Variants in DISC1 observed in about 807,000 individuals in gnomAD.
The protein encoded by DISC1 is DISC1 scaffold protein.
In DISC1, 57 loss-of-function variants were observed where a neutral mutation model predicts 84.5. That is an observed-to-expected ratio of 0.67 (90% CI 0.55 to 0.84). DISC1 has a LOEUF of 0.84. Ranked by LOEUF, DISC1 falls within the 40% of genes least tolerant of loss-of-function variation. The pLI, the probability that DISC1 is intolerant of heterozygous loss-of-function variation, is 0.00. For synonymous variants in DISC1, 411 were observed against 415.2 expected, an observed-to-expected ratio of 0.99 and a Z score of 0.12; for missense variants, 1,000 against 1,057.8, an observed-to-expected ratio of 0.95 and a Z score of 0.76.
At chr1:232,025,250 G>A (rs1035178863) in intron 11 of DISC1, among the ~76,000 whole-genome samples, 1 of 152,154 alleles carries the variant, frequency 6.6e-6, no homozygotes, top group African/African-American at 2.4e-5. Context: ...GAATGCATGG[G>A]CAAAAAGAAC....
chr1:231,991,349 G>A (rs16855921), intron 10 of DISC1, among the ~76,000 whole-genome samples: 6,491 of 152,352 alleles, frequency 0.043, 264 homozygotes, highest in East Asian at 0.21. Flanking sequence ...GGGTTGAGCT[G>A]CTGGAATGTA....
At chr1:231,691,024 C>T (rs2125632445) in intron 1 of DISC1, among the ~76,000 whole-genome samples, 1 of 152,270 alleles carries the variant, frequency 6.6e-6, no homozygotes. Context: ...ATCACAGCTT[C>T]CCAGGGCCCC....
At chr1:231,690,129 C>T (rs2064813783) in intron 1 of DISC1, among the ~76,000 whole-genome samples, 1 of 152,174 alleles carries the variant, frequency 6.6e-6, no homozygotes, top group Admixed American at 6.5e-5. Context: ...GACCCATTGA[C>T]ATCTGGGTCT....
intron 4 of DISC1, among the ~76,000 whole-genome samples, chr1:231,763,662 C>T (rs1230052409): frequency 3.9e-5 from 6 of 152,184 alleles, no homozygotes; most frequent in Admixed American, 6.5e-5. Flanking sequence ...TCACTTATTT[C>T]GTAAGTGTCA....
At chr1:231,989,369 C>T (rs74146531) in intron 10 of DISC1, among the ~76,000 whole-genome samples, 7,140 of 152,224 alleles carry the variant, frequency 0.047, 550 homozygotes, top group African/African-American at 0.16. Flanking sequence ...ATAAAGATAA[C>T]GCAATGCAGG....
chr1:232,026,085 C>G (rs1267439452), intron 11 of DISC1, among the ~76,000 whole-genome samples: 1 of 152,142 alleles, frequency 6.6e-6, no homozygotes, highest in East Asian at 1.9e-4. Flanking sequence ...CCTCTCCCCA[C>G]TTTTTTTAGA....
chr1:231,929,285 A>C (rs553051318), intron 9 of DISC1, among the ~76,000 whole-genome samples: 1 of 152,120 alleles, frequency 6.6e-6, no homozygotes, highest in East Asian at 1.9e-4. Flanking sequence ...CTCTTCATGG[A>C]GGCAACCTCA....
Position 231,640,528 on chromosome 1 carries a change from AT to A in DISC1, c.67+13612del, listed in dbSNP as rs58820518. Among the ~76,000 whole-genome samples, 539 of 133,228 alleles carry A rather than the reference AT, an allele frequency of 4.0e-3. 1 individual carries two copies. Among genetic ancestry groups the A allele is most frequent in the South Asian group, 7.3e-3 (30 of 4,082 alleles). The allele number at this position is 133,228 out of a possible 152,430, so 87.4% of individuals were successfully genotyped here. On this transcript the variant is annotated intron_variant, in intron 1 of 12. Transcript: ENST00000439617. The stretch of plus-strand genomic sequence containing the variant: ...TGTGGGCTCACCAGACCTCCTTGGT[AT>A]TTTTTTTTTTTTTTTTTGAGACAAG...
intron 3 of DISC1, among the ~76,000 whole-genome samples, chr1:231,714,217 A>AAAATAGATTTTACATTAAAACATGTT (rs1296592482): frequency 1.7e-4 from 26 of 152,220 alleles, no homozygotes; most frequent in Non-Finnish European, 3.4e-4. Flanking sequence ...TAAAACATGT[A>AAAATAGATTTTACATTAAAACATGTT]AAATAGATTT....
intron 11 of DISC1, among the ~76,000 whole-genome samples, chr1:232,024,403 A>G (rs954614292): frequency 2.0e-5 from 3 of 152,212 alleles, no homozygotes; most frequent in Non-Finnish European, 2.9e-5. Context: ...GCAAAAATCA[A>G]ATTATATACT....
At chr1:231,702,173 C>T in intron 3 of DISC1, 149 bp downstream of exon 3, 1 of 1,408,616 alleles carries the variant, frequency 7.1e-7, no homozygotes, top group South Asian at 1.6e-5. Context: ...TCTTTTACAG[C>T]ATTATTGTTT....
intron 9 of DISC1, among the ~76,000 whole-genome samples, chr1:231,835,649 G>A (rs1272492122): frequency 6.6e-6 from 1 of 152,188 alleles, no homozygotes; most frequent in African/African-American, 2.4e-5. Flanking sequence ...AGGCCTGACA[G>A]TGTGTTGTCT....
In DISC1 at chr1:232,008,787, G is replaced by T; in HGVS notation, c.2045G>T (p.Cys682Phe). The T allele has an allele frequency of 6.4e-7, 1 of 1,555,298 alleles. No individual in the cohort carries two copies. Among genetic ancestry groups the T allele is most frequent in the Non-Finnish European group, 8.7e-7 (1 of 1,151,186 alleles). The change falls in exon 11 of 13, where the codon TGC becomes TTC. Residue 682 changes from cysteine to phenylalanine, a missense_variant and splice_region_variant. Cys to Phe is a radical substitution (Grantham distance 205). Around this residue, in one of 3 missense-constraint regions of DISC1, gnomAD observed 397 missense variants for 377.5 expected, o/e 1.05. Transcript: ENST00000439617. Reference sequence around the variant, plus strand: ...CCTTTGTTTCCTCTCTGTCTCAGCTGCAAGTGTCCACTGCTTGGGAAAGTG... The same window carrying T: ...CCTTTGTTTCCTCTCTGTCTCAGCTTCAAGTGTCCACTGCTTGGGAAAGTG... ...METLKNKLCS[C>F]KCPLLGKVWE...
intron 1 of DISC1, among the ~76,000 whole-genome samples, chr1:231,632,519 A>G (rs906775225): frequency 5.9e-5 from 9 of 152,212 alleles, no homozygotes; most frequent in Admixed American, 5.2e-4. Flanking sequence ...CTGAAGATAA[A>G]TCATATATTT....
chr1:231,818,577 C>T, intron 9 of DISC1, 60 bp downstream of exon 9: 1 of 1,605,804 alleles, frequency 6.2e-7, no homozygotes, highest in Non-Finnish European at 8.5e-7. Flanking sequence ...TGTTTTGTGG[C>T]CAGGCAGAAT....
intron 9 of DISC1, among the ~76,000 whole-genome samples, chr1:231,916,840 A>G (rs2089673341): frequency 6.6e-6 from 1 of 152,156 alleles, no homozygotes; most frequent in Non-Finnish European, 1.5e-5. Context: ...TACCTGGCCA[A>G]GCACTGTCAT....
intron 3 of DISC1, among the ~76,000 whole-genome samples, chr1:231,719,533 C>A (rs1206943943): frequency 2.0e-5 from 3 of 152,090 alleles, no homozygotes; most frequent in Non-Finnish European, 4.4e-5. Flanking sequence ...ACAAATTATT[C>A]TTTCTAAGCT....
At position 231,694,798 on chromosome 1, in the gene DISC1, A is replaced by G. The variant is rs76372333; in HGVS notation, c.1040A>G (p.Gln347Arg). 8 of 1,613,662 alleles carry G rather than the reference A, an allele frequency of 5.0e-6. No homozygotes were observed. In the East Asian group the frequency reaches 1.1e-4, roughly 22 times the overall value. ...LRDCLLRNRR[Q>R]MEVISLRLKL... ...GACTGCCTGCTGAGAAACCGGAGGC[A>G]GATGGAGGTCAGTGTCTCTTCCACC... is the stretch of plus-strand genomic sequence containing the variant. Residue 347 changes from glutamine to arginine, a missense_variant, in exon 2 of 13, where the codon CAG (glutamine) becomes CGG (arginine). Gln to Arg is a conservative substitution (Grantham distance 43). This residue lies in a region of DISC1 where 311 missense variants were observed against 400.1 expected (regional missense o/e 0.78). Transcript: ENST00000439617.
chr1:231,689,343 T>G (rs1343351974), intron 1 of DISC1, among the ~76,000 whole-genome samples: 1 of 152,024 alleles, frequency 6.6e-6, no homozygotes, highest in Non-Finnish European at 1.5e-5. Context: ...TTTTTGTTGT[T>G]TTTTTGAGAC....
Sources: allele counts gnomAD v4.1 joint callset (sites outside exome capture counted in the v4.1 genomes callset), GRCh38; gene constraint gnomAD v4.1.1; regional missense constraint gnomAD v4.1.1; transcripts MANE v1.5; gene names NCBI Gene and HGNC (gene_info 2026-07-23, HGNC 2026-07-21).